Variants in THSD4 observed in about 807,000 individuals in gnomAD.
THSD4 encodes thrombospondin type 1 domain containing 4, also known as thrombospondin type-1 domain-containing protein 4.
A neutral mutation model predicts 119.0 loss-of-function variants in THSD4; 69 were observed. The observed-to-expected ratio is 0.58, with a 90% CI of 0.48 to 0.71. THSD4 has a LOEUF of 0.71. Among genes scored for constraint, THSD4 ranks in the 30% least tolerant of loss-of-function variants. The pLI, the probability that THSD4 is intolerant of heterozygous loss-of-function variation, is 0.00. For synonymous variants in THSD4, 524 were observed against 540.4 expected (o/e 0.97, Z 0.42); for missense variants, 1,393 against 1,391.1 (o/e 1.00, Z -0.02).
At chr15:71,135,210 A>C (rs1163119204) in intron 1 of THSD4, among the ~76,000 whole-genome samples, 3 of 87,322 alleles carry the variant, frequency 3.4e-5, no homozygotes, top group Non-Finnish European at 6.2e-5. Context: ...CACTCTGGGG[A>C]CTGTGGTGGG....
rs375741889 is a variant in THSD4 at position 71,568,917 on chromosome 15, A to G, written c.1153-91613A>G. On this transcript the variant is annotated intron_variant, in intron 7 of 17. Transcript: ENST00000261862. The stretch of plus-strand genomic sequence containing the variant: ...AACAATCTTTAAAATGTTTCCTCCT[A>G]TGCATGATTTTTGTTAACTTTTTTA... 2.0e-3 allele frequency among the ~76,000 whole-genome samples: 299 copies of G among 152,228 alleles called. 17 individuals carry two copies. The South Asian group carries it at 0.052, about 26-fold the overall frequency.
chr15:71,329,705 A>G (rs1266584546), intron 6 of THSD4, among the ~76,000 whole-genome samples: 2 of 152,204 alleles, frequency 1.3e-5, no homozygotes, highest in Non-Finnish European at 2.9e-5. Flanking sequence ...ATTGAGGTCA[A>G]GCCACTCACT....
chr15:71,567,857 G>C (rs1417600140), intron 7 of THSD4, among the ~76,000 whole-genome samples: 1 of 151,964 alleles, frequency 6.6e-6, no homozygotes, highest in Non-Finnish European at 1.5e-5. Context: ...CTTGCTTCTT[G>C]ATTTTGTCCA....
At chr15:71,772,301 A>AT (rs2053836272) in intron 17 of THSD4, among the ~76,000 whole-genome samples, 1 of 152,198 alleles carries the variant, frequency 6.6e-6, no homozygotes, top group African/African-American at 2.4e-5. Flanking sequence ...CTTTATGATC[A>AT]TAAGTTTCCT....
chr15:71,334,018 C>T (rs976586568), intron 6 of THSD4, among the ~76,000 whole-genome samples: 1 of 152,148 alleles, frequency 6.6e-6, no homozygotes, highest in Non-Finnish European at 1.5e-5. Flanking sequence ...AACTCACTGC[C>T]TCCCAGCCTG....
At chr15:71,773,645 A>T (rs1312864263) in intron 17 of THSD4, among the ~76,000 whole-genome samples, 1 of 152,240 alleles carries the variant, frequency 6.6e-6, no homozygotes, top group Non-Finnish European at 1.5e-5. Context: ...GTTACTAAAG[A>T]TGTCCAGGCC....
At chr15:71,322,723 C>T (rs563009658) in intron 6 of THSD4, among the ~76,000 whole-genome samples, 1 of 152,256 alleles carries the variant, frequency 6.6e-6, no homozygotes, top group South Asian at 2.1e-4. Flanking sequence ...CCTTAGTTCT[C>T]TCCACATGGG....
chr15:71,214,229 T>C (rs1165964803), intron 3 of THSD4, among the ~76,000 whole-genome samples: 4 of 150,526 alleles, frequency 2.7e-5, no homozygotes, highest in East Asian at 1.9e-4. Flanking sequence ...AATAAGGGAC[T>C]AAAAGCTGGC....
chr15:71,408,376 G>A (rs2046636274), intron 6 of THSD4, among the ~76,000 whole-genome samples: 1 of 152,030 alleles, frequency 6.6e-6, no homozygotes, highest in South Asian at 2.1e-4. Flanking sequence ...GGGACTACAG[G>A]CGTGCACCCT....
At chr15:71,714,564 G>A (rs1268321644) in intron 8 of THSD4, among the ~76,000 whole-genome samples, 1 of 152,158 alleles carries the variant, frequency 6.6e-6, no homozygotes, top group African/African-American at 2.4e-5. Context: ...AGATAATGCT[G>A]GCCAGGAGCA....
At chr15:71,362,623 T>C (rs1276829836) in intron 6 of THSD4, among the ~76,000 whole-genome samples, 1 of 152,180 alleles carries the variant, frequency 6.6e-6, no homozygotes, top group African/African-American at 2.4e-5. Context: ...CATACTGCTT[T>C]TTAGTATTCT....
rs1006047488 is a variant in THSD4 at position 71,777,228 on chromosome 15, A to G, written c.2915-4A>G. 3 of 1,614,140 alleles carry G rather than the reference A, an allele frequency of 1.9e-6. No individual in the cohort carries two copies. The highest frequency in any genetic ancestry group is 2.2e-5 in the East Asian group (1 of 44,858). Reference sequence around the variant, plus strand: ...AGTCTTCTGTTCATTCTCTTTCGCTACAGATGAAAACTGCAAGGACAAGTA... The same window carrying G: ...AGTCTTCTGTTCATTCTCTTTCGCTGCAGATGAAAACTGCAAGGACAAGTA... On this transcript the variant is annotated splice_polypyrimidine_tract_variant and splice_region_variant and intron_variant, in intron 17 of 17. Coordinates refer to ENST00000261862, the MANE Select transcript of THSD4 (RefSeq NM_024817.3).
chr15:71,390,295 G>A (rs911039318), intron 6 of THSD4, among the ~76,000 whole-genome samples: 1 of 152,176 alleles, frequency 6.6e-6, no homozygotes, highest in Non-Finnish European at 1.5e-5. Flanking sequence ...TGTTATCTGA[G>A]TTTCATGGCA....
At chr15:71,746,438 A>C (rs1448210613) in intron 12 of THSD4, among the ~76,000 whole-genome samples, 1 of 152,082 alleles carries the variant, frequency 6.6e-6, no homozygotes, top group Non-Finnish European at 1.5e-5. Context: ...TCCATTGCCC[A>C]GGCTGGAGTG....
At chr15:71,696,768 C>T (rs2052173701) in intron 8 of THSD4, among the ~76,000 whole-genome samples, 1 of 152,196 alleles carries the variant, frequency 6.6e-6, no homozygotes, top group South Asian at 2.1e-4. Flanking sequence ...CAGGAAAACT[C>T]ATGCTTCCTT....
At chr15:71,605,306 CG>C (rs1181876884) in intron 7 of THSD4, among the ~76,000 whole-genome samples, 1 of 152,190 alleles carries the variant, frequency 6.6e-6, no homozygotes, top group East Asian at 1.9e-4. Context: ...ATTATCAAAA[CG>C]TCCTGGTTTG....
At chr15:71,337,681 G>A (rs1232573403) in intron 6 of THSD4, among the ~76,000 whole-genome samples, 3 of 151,930 alleles carry the variant, frequency 2.0e-5, no homozygotes, top group African/African-American at 4.8e-5. Context: ...GGGAGAGAGG[G>A]CCCCTCAGCC....
At chr15:71,480,751 C>T (rs535916022) in intron 7 of THSD4, among the ~76,000 whole-genome samples, 10 of 152,296 alleles carry the variant, frequency 6.6e-5, no homozygotes, top group African/African-American at 2.2e-4. Context: ...ACAAATATTC[C>T]ATTGGCCAAA....
rs960799499 is a variant in THSD4, at chr15:71,516,725, A to G, written c.1152+104902A>G. Among the ~76,000 whole-genome samples, 8 of 152,302 alleles carry G rather than the reference A, an allele frequency of 5.3e-5. No individual in the cohort carries two copies. The East Asian group carries it at 1.5e-3, about 29-fold the overall frequency. On this transcript the variant is annotated intron_variant, in intron 7 of 17. Transcript: ENST00000261862. Reference sequence around the variant, plus strand: ...AATTTCACTTTTTTCTTGCTCTAAGAACTCTAGTAACTGAAATCATTAGTT... The same window carrying G: ...AATTTCACTTTTTTCTTGCTCTAAGGACTCTAGTAACTGAAATCATTAGTT...
Sources: gnomAD v4.1 joint callset for allele counts (sites outside exome capture counted in the v4.1 genomes callset) on GRCh38, gnomAD v4.1.1 for gene constraint, MANE v1.5 for transcripts, NCBI Gene and HGNC (gene_info 2026-07-23, HGNC 2026-07-21) for gene names.